CCDC171: variants seen among roughly 807,000 people sequenced by gnomAD.
The protein encoded by CCDC171 is coiled-coil domain-containing protein 171.
A neutral mutation model predicts 168.2 loss-of-function variants in CCDC171; 177 were observed. The ratio of observed to expected loss-of-function variants is 1.05; its 90% CI spans 0.93 to 1.19. The LOEUF (loss-of-function observed/expected upper bound fraction) is 1.19. Among genes scored for constraint, CCDC171 ranks in the 50% most tolerant of loss-of-function variants. The pLI, the probability that CCDC171 is intolerant of heterozygous loss-of-function variation, is 0.00. For synonymous variants in CCDC171, 687 were observed against 540.8 expected (o/e 1.27, Z -3.75); for missense variants, 1,991 against 1,539.0 (o/e 1.29, Z -4.91).
At chr9:15,947,490 A>T (rs1037652093) in intron 25 of CCDC171, among the ~76,000 whole-genome samples, 1 of 151,992 alleles carries the variant, frequency 6.6e-6, no homozygotes, top group African/African-American at 2.4e-5. Flanking sequence ...ACTTAGCATA[A>T]TGTCCTCAAG....
chr9:15,777,917 C>T (rs2057419613), intron 19 of CCDC171, 91 bp downstream of exon 19: 7 of 799,572 alleles, frequency 8.8e-6, no homozygotes, highest in Non-Finnish European at 1.1e-5. Context: ...ATTAGTTGTA[C>T]ATGAATGTAT....
chr9:15,584,132 G>A (rs1200456712), intron 4 of CCDC171, among the ~76,000 whole-genome samples: 2 of 152,222 alleles, frequency 1.3e-5, no homozygotes, highest in African/African-American at 4.8e-5. Flanking sequence ...CTCCCAAAGT[G>A]CTGGGATTAC....
chr9:15,710,177 A>T (rs1279086333), intron 11 of CCDC171, among the ~76,000 whole-genome samples: 1 of 152,204 alleles, frequency 6.6e-6, no homozygotes, highest in Non-Finnish European at 1.5e-5. Context: ...TTAGTGTCAT[A>T]AATTTCAAAG....
Position 15,882,776 on chromosome 9 carries a change from T to C in CCDC171, c.3600+8113T>C, listed in dbSNP as rs1483177764. Among the ~76,000 whole-genome samples the C allele has an allele frequency of 2.0e-5, 3 of 151,926 alleles. No individual in the cohort carries two copies. In the East Asian group the frequency reaches 5.9e-4, roughly 30 times the overall value. On this transcript the variant is annotated intron_variant, in intron 24 of 25. Coordinates refer to ENST00000380701, the MANE Select transcript of CCDC171 (RefSeq NM_173550.4). ...GCTATTACTAGAGCAGTTTTCGTAT[T>C]ATCCCATAAGTCTTTTCACCATCCT...
At chr9:15,811,024 A>G (rs1006996477) in intron 21 of CCDC171, among the ~76,000 whole-genome samples, 6 of 152,236 alleles carry the variant, frequency 3.9e-5, no homozygotes, top group Admixed American at 3.9e-4. Flanking sequence ...AGCAGCATAA[A>G]TATAGAAAAT....
chr9:16,056,869 G>A (rs1218099916), intron 1 of CCDC171, among the ~76,000 whole-genome samples: 7 of 152,140 alleles, frequency 4.6e-5, no homozygotes, highest in African/African-American at 1.4e-4. Flanking sequence ...AGCAATATAA[G>A]CATTTAAAAT....
At chr9:15,627,402 G>A (rs1392326722) in intron 7 of CCDC171, among the ~76,000 whole-genome samples, 3 of 151,884 alleles carry the variant, frequency 2.0e-5, no homozygotes, top group African/African-American at 4.8e-5. Flanking sequence ...TCTTTTAATT[G>A]TGATGTTAGG....
intron 23 of CCDC171, among the ~76,000 whole-genome samples, chr9:15,857,008 C>T (rs2061371289): frequency 6.6e-6 from 1 of 151,898 alleles, no homozygotes; most frequent in Non-Finnish European, 1.5e-5. Context: ...TGTATGTCTT[C>T]TTTGGATAAA....
At chr9:15,698,029 A>C (rs950492908) in intron 11 of CCDC171, among the ~76,000 whole-genome samples, 1 of 150,844 alleles carries the variant, frequency 6.6e-6, no homozygotes, top group South Asian at 2.1e-4. Context: ...TCTTCTGGCT[A>C]TTTTGAAATA....
chr9:15,560,448 A>ATTTCTC (rs1277069547), intron 1 of CCDC171, among the ~76,000 whole-genome samples: 1 of 151,708 alleles, frequency 6.6e-6, no homozygotes, highest in Non-Finnish European at 1.5e-5. Flanking sequence ...TTTTCTCTAA[A>ATTTCTC]TTTCTCTTCT....
intron 18 of CCDC171, among the ~76,000 whole-genome samples, chr9:15,755,621 A>G (rs1272032397): frequency 1.3e-5 from 2 of 152,232 alleles, no homozygotes; most frequent in Non-Finnish European, 1.5e-5. Flanking sequence ...AGTTCATAAA[A>G]AGGAATAAAG....
chr9:15,989,179 A>C (rs557082719), intron 3 of CCDC171, among the ~76,000 whole-genome samples: 1 of 152,308 alleles, frequency 6.6e-6, no homozygotes, highest in South Asian at 2.1e-4. Context: ...GGCATCCCCC[A>C]GTAGGGGCAG....
intron 6 of CCDC171, among the ~76,000 whole-genome samples, chr9:15,611,599 C>T (rs189329855): frequency 1.6e-4 from 24 of 152,234 alleles, no homozygotes; most frequent in Admixed American, 1.4e-3. Flanking sequence ...GCTTAATCTC[C>T]TTATTTTTAA....
chr9:15,878,996 A>C (rs573046816), intron 24 of CCDC171, among the ~76,000 whole-genome samples: 10 of 152,270 alleles, frequency 6.6e-5, no homozygotes, highest in Non-Finnish European at 1.2e-4. Flanking sequence ...GGAGAGGATC[A>C]GAAAAAATAA....
chr9:15,655,254 T>C (rs1252938594), intron 7 of CCDC171, among the ~76,000 whole-genome samples: 1 of 152,134 alleles, frequency 6.6e-6, no homozygotes, highest in Non-Finnish European at 1.5e-5. Flanking sequence ...TCGCCAAATT[T>C]CATCTAGGAA....
At chr9:15,903,270 G>A (rs959045993) in intron 24 of CCDC171, among the ~76,000 whole-genome samples, 1 of 152,134 alleles carries the variant, frequency 6.6e-6, no homozygotes, top group Admixed American at 6.5e-5. Flanking sequence ...GCCTAACTGG[G>A]AGGCACCCCC....
rs759047257 is a variant in CCDC171 at position 15,744,572 on chromosome 9, G to A, written c.2349G>A (p.Lys783=). 6.2e-7 allele frequency: 1 copy of A among 1,614,190 alleles called. No homozygotes were observed. The highest frequency in any genetic ancestry group is 1.3e-5 in the African/African-American group (1 of 75,048). Residue 783 remains lysine (K), a synonymous_variant, in exon 17 of 26, where the codon AAG becomes AAA. Coordinates refer to ENST00000380701, the MANE Select transcript of CCDC171 (RefSeq NM_173550.4). The part of the protein sequence containing the change: ...AQALSTVEEK[K]QEEAKMKKKT... ...CTTTGTCAACTGTAGAGGAAAAGAA[G>A]CAAGAGGAAGCCAAGATGAAAAAGA...
intron 21 of CCDC171, among the ~76,000 whole-genome samples, chr9:15,789,356 A>T (rs2058129797): frequency 1.3e-5 from 2 of 152,214 alleles, no homozygotes; most frequent in Admixed American, 1.3e-4. Flanking sequence ...ACCTATACCA[A>T]TATTAATCCT....
downstream of CCDC171, among the ~76,000 whole-genome samples, chr9:16,063,259 GCC>G (rs1833956141): frequency 6.6e-6 from 1 of 152,136 alleles, no homozygotes; most frequent in Admixed American, 6.6e-5. Context: ...GACTCCAGAT[GCC>G]CCAGGCAGAG....
Sources: gnomAD v4.1 joint callset for allele counts (sites outside exome capture counted in the v4.1 genomes callset) on GRCh38, gnomAD v4.1.1 for gene constraint, MANE v1.5 for transcripts, NCBI Gene and HGNC (gene_info 2026-07-23, HGNC 2026-07-21) for gene names.